Variants in FOXP2 observed in about 807,000 individuals in gnomAD.
FOXP2 encodes the protein forkhead box protein P2.
Under a neutral mutation model 115.8 loss-of-function variants are expected in FOXP2, and 12 were observed. The observed-to-expected ratio is 0.10, with a 90% confidence interval of 0.07 to 0.17. The LOEUF is 0.17. Ranked by LOEUF, FOXP2 falls within the 10% of genes least tolerant of loss-of-function variation. The pLI is 1.00. For missense variants in FOXP2, 629 were observed against 843.5 expected, an observed-to-expected ratio of 0.75 and a Z score of 3.15; for synonymous variants, 328 against 297.7, an observed-to-expected ratio of 1.10 and a Z score of -1.05.
chr7:114,118,671 T>G (rs961091509), intron 1 of FOXP2, among the ~76,000 whole-genome samples: 26 of 152,160 alleles, frequency 1.7e-4, no homozygotes, highest in Non-Finnish European at 3.5e-4. Context: ...CAAATTTTAA[T>G]ACTTCTGATT....
At chr7:114,688,151 A>G (rs568008873) in intron 16 of FOXP2, among the ~76,000 whole-genome samples, 1 of 141,080 alleles carries the variant, frequency 7.1e-6, no homozygotes, top group South Asian at 2.3e-4. Context: ...CCTTTCTTTT[A>G]ATTTTTCCTT....
intron 16 of FOXP2, among the ~76,000 whole-genome samples, chr7:114,672,893 A>G (rs763612375): frequency 2.4e-4 from 37 of 152,182 alleles, no homozygotes; most frequent in Non-Finnish European, 2.9e-4. Context: ...TAGGAAATAG[A>G]TAACAGTTGA....
rs575632095 is a variant in FOXP2 at position 114,474,669 on chromosome 7, A to G, written c.168+47990A>G. On this transcript the variant is annotated intron_variant, in intron 2 of 16. Transcript: ENST00000350908. ...GGGAATTTTTACCAAAGGACTTGCTATAAACCATTATAGACCTGACTGCTG... is the reference window on the plus strand; with the variant it reads ...GGGAATTTTTACCAAAGGACTTGCTGTAAACCATTATAGACCTGACTGCTG... 2.0e-5 allele frequency among the ~76,000 whole-genome samples: 3 copies of G among 152,302 alleles called. No individual in the cohort carries two copies. The South Asian group carries it at 6.2e-4, about 32-fold the overall frequency.
At chr7:114,584,864 C>T (rs954359595) in intron 3 of FOXP2, among the ~76,000 whole-genome samples, 2 of 152,126 alleles carry the variant, frequency 1.3e-5, no homozygotes, top group African/African-American at 4.8e-5. Flanking sequence ...ACATTGGGGG[C>T]ATATTACTTC....
chr7:114,559,689 T>G (rs1404733670), intron 3 of FOXP2, among the ~76,000 whole-genome samples: 2 of 151,222 alleles, frequency 1.3e-5, no homozygotes, highest in South Asian at 4.2e-4. Context: ...GAGACCATAC[T>G]GGCTAACACG....
intron 3 of FOXP2, among the ~76,000 whole-genome samples, chr7:114,549,593 A>T (rs748290712): frequency 1.1e-4 from 16 of 152,196 alleles, no homozygotes; most frequent in Non-Finnish European, 2.2e-4. Context: ...CCAGGGCACC[A>T]TGAGAATAAG....
chr7:114,686,465 G>A (rs1037046951), intron 16 of FOXP2, among the ~76,000 whole-genome samples: 2 of 152,246 alleles, frequency 1.3e-5, no homozygotes, highest in African/African-American at 4.8e-5. Context: ...GAGCCACAGC[G>A]CCTGGCCAAT....
At chr7:114,537,590 C>G (rs1198077961) in intron 3 of FOXP2, among the ~76,000 whole-genome samples, 4 of 151,488 alleles carry the variant, frequency 2.6e-5, no homozygotes, top group Non-Finnish European at 5.9e-5. Context: ...TTTTAGTAGA[C>G]TAGTATTTAT....
At chr7:114,655,912 G>C (rs920160272) in intron 10 of FOXP2, among the ~76,000 whole-genome samples, 4 of 152,098 alleles carry the variant, frequency 2.6e-5, no homozygotes, top group Non-Finnish European at 4.4e-5. Context: ...AGTTATCAAG[G>C]CTGCGAGTCC....
At chr7:114,391,965 G>A (rs1015826798) in intron 2 of FOXP2, among the ~76,000 whole-genome samples, 3 of 152,106 alleles carry the variant, frequency 2.0e-5, no homozygotes, top group South Asian at 2.1e-4. Flanking sequence ...TAATTTCATT[G>A]CATTAATTAA....
intron 2 of FOXP2, among the ~76,000 whole-genome samples, chr7:114,361,707 G>A (rs1422023566): frequency 6.6e-6 from 1 of 151,818 alleles, no homozygotes; most frequent in Non-Finnish European, 1.5e-5. Context: ...TTCACTTTTT[G>A]CATTGTCATT....
At chr7:114,653,789 T>A in intron 9 of FOXP2, 137 bp from the exon 10 acceptor site, 1 of 930,090 alleles carries the variant, frequency 1.1e-6, no homozygotes. Flanking sequence ...TCCTCCCAGA[T>A]AAGTTCCTCC....
At chr7:114,596,163 T>A (rs1351650359) in intron 3 of FOXP2, among the ~76,000 whole-genome samples, 1 of 152,096 alleles carries the variant, frequency 6.6e-6, no homozygotes, top group Non-Finnish European at 1.5e-5. Context: ...CACATTTTTC[T>A]CTTTTTATTA....
chr7:114,533,232 T>A (rs1036580948), intron 2 of FOXP2, among the ~76,000 whole-genome samples: 2 of 151,956 alleles, frequency 1.3e-5, no homozygotes, highest in Non-Finnish European at 2.9e-5. Context: ...ATGGTGCTAG[T>A]GCATTCAGTT....
rs557914000 is a variant in FOXP2 at position 114,253,186 on chromosome 7, T to C, written c.-101-34833T>C. Among the ~76,000 whole-genome samples, 15 of 152,326 alleles carry C rather than the reference T, an allele frequency of 9.8e-5. No homozygotes were observed. The South Asian group carries it at 3.1e-3, about 32-fold the overall frequency. On this transcript the variant is annotated intron_variant, in intron 1 of 17. Transcript: ENST00000634411. Reference sequence around the variant, plus strand: ...TTGTTATAATTTCTGTTCTTTTATATTTGCTGAGGAGTGCTTTACTTTCAA... The same window carrying C: ...TTGTTATAATTTCTGTTCTTTTATACTTGCTGAGGAGTGCTTTACTTTCAA...
chr7:114,418,221 T>A (rs1047047749), intron 1 of FOXP2, among the ~76,000 whole-genome samples: 1 of 151,976 alleles, frequency 6.6e-6, no homozygotes, highest in Non-Finnish European at 1.5e-5. Context: ...TTGTCTGGTA[T>A]GAATGAGAAA....
At chr7:114,591,347 A>T (rs1309616623) in intron 3 of FOXP2, among the ~76,000 whole-genome samples, 1 of 152,142 alleles carries the variant, frequency 6.6e-6, no homozygotes. Flanking sequence ...TCTAAAATTC[A>T]GTACAAAATA....
chr7:114,555,630 C>G, intron 3 of FOXP2, among the ~76,000 whole-genome samples: 1 of 152,024 alleles, frequency 6.6e-6, no homozygotes, highest in East Asian at 1.9e-4. Context: ...AACCCCGTCT[C>G]TACTAAAAAT....
chr7:114,658,948 G>A (rs1328745358), intron 11 of FOXP2, among the ~76,000 whole-genome samples: 12 of 152,098 alleles, frequency 7.9e-5, no homozygotes, highest in Admixed American at 5.9e-4. Flanking sequence ...CTTGGTGAGG[G>A]TTTTGTGTTT....
Sources: gnomAD v4.1 joint callset for allele counts (sites outside exome capture counted in the v4.1 genomes callset) on GRCh38, gnomAD v4.1.1 for gene constraint, MANE v1.5 for transcripts, NCBI Gene and HGNC (gene_info 2026-07-23, HGNC 2026-07-21) for gene names.